CRPPA: variants seen among roughly 807,000 people sequenced by gnomAD.
The protein encoded by CRPPA is D-ribitol-5-phosphate cytidylyltransferase.
CRPPA carries 43 observed loss-of-function variants against 52.0 expected under a neutral mutation model. The ratio of observed to expected loss-of-function variants is 0.83; its 90% CI spans 0.65 to 1.07. The LOEUF (loss-of-function observed/expected upper bound fraction) is 1.07. CRPPA is among the 50% of genes least tolerant of loss of function. The probability of loss-of-function intolerance (pLI) is 0.00; values close to 1 mark genes in which losing one functional copy is unlikely to be tolerated. For synonymous variants in CRPPA, 250 were observed against 203.5 expected (o/e 1.23, Z -1.94); for missense variants, 629 against 551.7 (o/e 1.14, Z -1.40).
intron 5 of CRPPA, among the ~76,000 whole-genome samples, chr7:16,279,709 G>T (rs1784282227): frequency 6.6e-6 from 1 of 152,196 alleles, no homozygotes; most frequent in Non-Finnish European, 1.5e-5. Flanking sequence ...TTAGGAGTGG[G>T]AGAAAGGAGC....
intron 9 of CRPPA, among the ~76,000 whole-genome samples, chr7:16,103,063 C>T (rs1481111542): frequency 6.6e-6 from 1 of 152,158 alleles, no homozygotes; most frequent in African/African-American, 2.4e-5. Context: ...CCCAGATGCC[C>T]ATCAATTATA....
intron 5 of CRPPA, among the ~76,000 whole-genome samples, chr7:16,300,020 A>G (rs1206636398): frequency 6.6e-6 from 1 of 152,234 alleles, no homozygotes; most frequent in East Asian, 1.9e-4. Context: ...ACGACCGACC[A>G]CATCATCATT....
intron 9 of CRPPA, among the ~76,000 whole-genome samples, chr7:16,170,706 A>G (rs1023550232): frequency 6.6e-6 from 1 of 152,186 alleles, no homozygotes; most frequent in Admixed American, 6.5e-5. Flanking sequence ...GGTGGGCTGC[A>G]GGTCCCGAGC....
chr7:16,384,011 G>C (rs529802435), intron 2 of CRPPA, among the ~76,000 whole-genome samples: 2 of 152,138 alleles, frequency 1.3e-5, no homozygotes, highest in Non-Finnish European at 2.9e-5. Flanking sequence ...ACTGTCCTGC[G>C]CCCACTGTCT....
chr7:16,114,082 A>C (rs1782320411), intron 9 of CRPPA, among the ~76,000 whole-genome samples: 1 of 152,022 alleles, frequency 6.6e-6, no homozygotes, highest in South Asian at 2.1e-4. Context: ...AAGTGTTGGG[A>C]AAGTAAAATA....
At chr7:16,329,140 AT>A (rs58649694) in intron 3 of CRPPA, among the ~76,000 whole-genome samples, 11,735 of 152,210 alleles carry the variant, frequency 0.077, 546 homozygotes, top group East Asian at 0.2. Context: ...TCCATAGGCA[AT>A]TTTAGTTACA....
intron 2 of CRPPA, among the ~76,000 whole-genome samples, chr7:16,384,786 A>C (rs1320539141): frequency 5.3e-5 from 8 of 152,198 alleles, no homozygotes; most frequent in Admixed American, 5.2e-4. Context: ...CCAAATAGGA[A>C]AGTGATATCC....
intron 8 of CRPPA, among the ~76,000 whole-genome samples, chr7:16,244,785 GTATAAGAAAAA>G (rs557028032): frequency 2.0e-5 from 3 of 152,088 alleles, no homozygotes; most frequent in Non-Finnish European, 4.4e-5. Context: ...GAAGACCCTT[GTATAAGAAAAA>G]GAACCGTTGT....
At chr7:16,246,053 A>C (rs1232463100) in intron 8 of CRPPA, among the ~76,000 whole-genome samples, 2 of 152,122 alleles carry the variant, frequency 1.3e-5, no homozygotes, top group African/African-American at 4.8e-5. Flanking sequence ...TCATAAAAAA[A>C]ATTTCTCTGT....
intron 3 of CRPPA, among the ~76,000 whole-genome samples, chr7:16,349,581 AC>A (rs1160945081): frequency 2.0e-5 from 3 of 152,142 alleles, no homozygotes; most frequent in Non-Finnish European, 4.4e-5. Context: ...AAGATAAAGT[AC>A]AAAAACAGGT....
chr7:16,253,880 C>CAAATTTACAAG (rs1433127483), intron 8 of CRPPA, among the ~76,000 whole-genome samples: 1 of 151,980 alleles, frequency 6.6e-6, no homozygotes, highest in Non-Finnish European at 1.5e-5. Context: ...AGAAGTTAAA[C>CAAATTTACAAG]AAATTTACAA....
intron 9 of CRPPA, among the ~76,000 whole-genome samples, chr7:16,164,142 C>T (rs1780990428): frequency 6.6e-6 from 1 of 152,208 alleles, no homozygotes; most frequent in African/African-American, 2.4e-5. Flanking sequence ...CTTTCAGGTA[C>T]ACCAATCAAA....
intron 9 of CRPPA, among the ~76,000 whole-genome samples, chr7:16,124,978 G>A (rs1782547997): frequency 6.6e-6 from 1 of 152,124 alleles, no homozygotes; most frequent in Non-Finnish European, 1.5e-5. Context: ...ACTGTGAATA[G>A]GCCAGGTGCA....
chr7:16,271,479 ACT>A (rs1784088266), intron 6 of CRPPA, among the ~76,000 whole-genome samples: 1 of 152,036 alleles, frequency 6.6e-6, no homozygotes, highest in Non-Finnish European at 1.5e-5. Flanking sequence ...GAAGTGGTAA[ACT>A]CAACATAAAA....
chr7:16,256,767 G>GA (rs1554299870), intron 8 of CRPPA, among the ~76,000 whole-genome samples: 3 of 152,066 alleles, frequency 2.0e-5, no homozygotes, highest in Non-Finnish European at 4.4e-5. Context: ...TTGTTGGGGA[G>GA]TGGGGGGCTG....
At chr7:16,178,348 T>A (rs541603818) in intron 9 of CRPPA, among the ~76,000 whole-genome samples, 4 of 152,136 alleles carry the variant, frequency 2.6e-5, no homozygotes, top group Non-Finnish European at 4.4e-5. Flanking sequence ...CAGTACCATA[T>A]GAAGTACAGT....
intron 9 of CRPPA, among the ~76,000 whole-genome samples, chr7:16,172,006 T>C (rs528395307): frequency 1.3e-5 from 2 of 152,348 alleles, no homozygotes; most frequent in African/African-American, 4.8e-5. Flanking sequence ...CCTCATTTTC[T>C]ATTGAAAATG....
intron 5 of CRPPA, among the ~76,000 whole-genome samples, chr7:16,287,724 C>G (rs1424360054): frequency 1.3e-5 from 2 of 152,034 alleles, no homozygotes; most frequent in Non-Finnish European, 2.9e-5. Context: ...AAGTTCAAGA[C>G]CAGCCTGGCC....
At chr7:16,361,052 T>C (rs370274363) in intron 3 of CRPPA, among the ~76,000 whole-genome samples, 6 of 152,278 alleles carry the variant, frequency 3.9e-5, no homozygotes, top group South Asian at 2.1e-4. Context: ...GAAAAAGGAA[T>C]TGAATAGTCA....
Sources: gnomAD v4.1 joint callset for allele counts (sites outside exome capture counted in the v4.1 genomes callset) on GRCh38, gnomAD v4.1.1 for gene constraint, MANE v1.5 for transcripts, NCBI Gene and HGNC (gene_info 2026-07-23, HGNC 2026-07-21) for gene names.